ERCC6L2: variants seen among roughly 807,000 people sequenced by gnomAD.
The protein encoded by ERCC6L2 is ERCC excision repair 6 like 2.
A neutral mutation model predicts 132.0 loss-of-function variants in ERCC6L2; 77 were observed. The ratio of observed to expected loss-of-function variants is 0.58; its 90% CI spans 0.49 to 0.71. ERCC6L2 has a LOEUF of 0.71. ERCC6L2 is among the 30% of genes least tolerant of loss of function. The pLI is 0.00. For missense variants in ERCC6L2, 1,542 were observed against 1,837.6 expected (o/e 0.84, Z 2.94); for synonymous variants, 583 against 632.4 (o/e 0.92, Z 1.17).
Position 95,994,366 on chromosome 9 carries a change from C to T in ERCC6L2, c.3493-10154C>T, listed in dbSNP as rs112630347. Among the ~76,000 whole-genome samples the T allele has an allele frequency of 7.6e-3, 1,152 of 151,994 alleles. 23 individuals are homozygous for T. The highest frequency in any genetic ancestry group is 0.027 in the African/African-American group (1,119 of 41,532). ...CAGAGCCATCAGGACCTTCCAGTGG[C>T]TTTGAAGATCTCCTCCTTGTTTCCA... On this transcript the variant is annotated intron_variant, in intron 17 of 18. Transcript: ENST00000653738.
intron 9 of ERCC6L2, among the ~76,000 whole-genome samples, chr9:95,924,566 T>G (rs912400125): frequency 6.6e-6 from 1 of 152,076 alleles, no homozygotes; most frequent in Non-Finnish European, 1.5e-5. Flanking sequence ...AATTATAGCC[T>G]CCTCTGAAAA....
At chr9:95,915,583 T>C (rs1004559751) in intron 4 of ERCC6L2, 85 bp from the exon 5 acceptor site, 5 of 1,368,428 alleles carry the variant, frequency 3.7e-6, no homozygotes, top group Admixed American at 2.3e-5. Flanking sequence ...TCCAAAACTT[T>C]GATAGAGAAA....
At chr9:95,932,780 T>C (rs890958650) in intron 11 of ERCC6L2, among the ~76,000 whole-genome samples, 1 of 152,216 alleles carries the variant, frequency 6.6e-6, no homozygotes, top group Admixed American at 6.5e-5. Context: ...ACTTATTTGA[T>C]ACAGGAAGAG....
chr9:96,030,782 C>A (rs1834447960), intron 19 of ERCC6L2, among the ~76,000 whole-genome samples: 1 of 151,328 alleles, frequency 6.6e-6, no homozygotes, highest in Non-Finnish European at 1.5e-5. Context: ...CCGGAAGGAA[C>A]AAACTCCGGA....
intron 2 of ERCC6L2, among the ~76,000 whole-genome samples, chr9:95,890,442 A>G (rs1160788883): frequency 6.6e-6 from 1 of 152,204 alleles, no homozygotes; most frequent in East Asian, 1.9e-4. Flanking sequence ...CTAGTATGAA[A>G]CTGGTTGGTC....
chr9:95,914,541 A>G (rs1025000552), intron 4 of ERCC6L2, among the ~76,000 whole-genome samples: 26 of 152,182 alleles, frequency 1.7e-4, no homozygotes, highest in Non-Finnish European at 2.6e-4. Flanking sequence ...TTTAGTAGAG[A>G]CAAGATTTCA....
rs561008012 is a variant in ERCC6L2 at position 95,985,203 on chromosome 9, A to G, written c.3492+6988A>G. Among the ~76,000 whole-genome samples, 43 of 152,184 alleles carry G rather than the reference A, an allele frequency of 2.8e-4. No individual in the cohort carries two copies. The Middle Eastern group carries it at 0.01, about 36-fold the overall frequency. On this transcript the variant is annotated intron_variant, in intron 17 of 18. Transcript: ENST00000653738. The stretch of plus-strand genomic sequence containing the variant: ...CACTGTTGTTACTTACCTCATGTGG[A>G]TTCGTTTTTTCCTCATGTATGTTAC...
intron 17 of ERCC6L2, among the ~76,000 whole-genome samples, chr9:95,983,812 A>T (rs971981412): frequency 6.6e-6 from 1 of 152,198 alleles, no homozygotes; most frequent in Non-Finnish European, 1.5e-5. Flanking sequence ...AATTTTGAAA[A>T]TAAGAGGATA....
chr9:95,944,208 T>C (rs532689335), intron 12 of ERCC6L2, among the ~76,000 whole-genome samples: 111 of 152,274 alleles, frequency 7.3e-4, no homozygotes, highest in African/African-American at 2.6e-3. Flanking sequence ...GAAATGAAAT[T>C]CTGATAAATG....
chr9:95,982,532 G>T (rs1832933094), intron 17 of ERCC6L2, among the ~76,000 whole-genome samples: 1 of 151,972 alleles, frequency 6.6e-6, no homozygotes, highest in Non-Finnish European at 1.5e-5. Flanking sequence ...ACAAATGGCT[G>T]GTTTACAAAG....
At chr9:95,898,567 A>G (rs1828587962) in intron 3 of ERCC6L2, among the ~76,000 whole-genome samples, 1 of 152,144 alleles carries the variant, frequency 6.6e-6, no homozygotes, top group South Asian at 2.1e-4. Context: ...TAAATACGTT[A>G]TATATGATTC....
chr9:95,983,121 CCTG>C (rs1190546655), intron 17 of ERCC6L2, among the ~76,000 whole-genome samples: 1 of 152,116 alleles, frequency 6.6e-6, no homozygotes, highest in Non-Finnish European at 1.5e-5. Context: ...TCTACAGTAG[CCTG>C]CTATTATTTT....
chr9:95,930,827 G>T (rs1416163361), intron 11 of ERCC6L2, among the ~76,000 whole-genome samples: 2 of 152,038 alleles, frequency 1.3e-5, no homozygotes, highest in Non-Finnish European at 2.9e-5. Context: ...CTAAGTCTTT[G>T]TAATGTGTGG....
chr9:95,973,972 A>G lies in ERCC6L2; in HGVS notation c.3337+884A>G, dbSNP rs986137151. On this transcript the variant is annotated intron_variant, in intron 16 of 18. Transcript: ENST00000653738. Reference sequence around the variant, plus strand: ...AGTTAAACATGTTCTTCTGTCTTCTATATTACCTGCAAAAGAGCAGTTGGT... The same window carrying G: ...AGTTAAACATGTTCTTCTGTCTTCTGTATTACCTGCAAAAGAGCAGTTGGT... 4.6e-5 allele frequency among the ~76,000 whole-genome samples: 7 copies of G among 152,266 alleles called. No individual in the cohort carries two copies. In the East Asian group the frequency reaches 1.2e-3, roughly 25 times the overall value.
intron 13 of ERCC6L2, among the ~76,000 whole-genome samples, chr9:95,958,995 A>G (rs1831760492): frequency 1.3e-5 from 2 of 151,500 alleles, no homozygotes; most frequent in East Asian, 1.9e-4. Flanking sequence ...TCAAGCTACC[A>G]ATGACTTTCT....
chr9:96,034,188 AG>A (rs922339364), intron 19 of ERCC6L2, among the ~76,000 whole-genome samples: 11 of 152,274 alleles, frequency 7.2e-5, no homozygotes, highest in East Asian at 5.8e-4. Context: ...TAGGGATAGG[AG>A]GGGGGTCCGG....
At chr9:96,001,208 T>A (rs1588043040) in intron 17 of ERCC6L2, among the ~76,000 whole-genome samples, 1 of 152,074 alleles carries the variant, frequency 6.6e-6, no homozygotes, top group Non-Finnish European at 1.5e-5. Context: ...GTAGCAAGAT[T>A]TATTGCAAAG....
rs375051537 is a variant in ERCC6L2, at chr9:95,922,378, A to G, written c.1373A>G (p.His458Arg). ...ACAGTCCTTCAGAAGGTAGCTAACC[A>G]TGTCGCGCTACTGCAAGCTGCTAGT... Reference protein sequence around the residue: ...YLTVLQKVANHVALLQAASTS... With the variant: ...YLTVLQKVANRVALLQAASTS... Residue 458 changes from histidine (H) to arginine (R), a missense_variant, in exon 8 of 19, where the codon CAT (histidine) becomes CGT (arginine). Transcript: ENST00000653738. 2.5e-6 allele frequency: 4 copies of G among 1,613,478 alleles called. No individual in the cohort carries two copies. Among genetic ancestry groups the G allele is most frequent in the Non-Finnish European group, 2.5e-6 (3 of 1,179,512 alleles).
At chr9:95,907,857 C>CACACACACACACACACACACAAACACA in intron 4 of ERCC6L2, among the ~76,000 whole-genome samples, 1 of 133,740 alleles carries the variant, frequency 7.5e-6, no homozygotes, top group African/African-American at 2.8e-5. Flanking sequence ...ACACACACAC[C>CACACACACACACACACACACAAACACA]CCCACACCCA....
Sources: gnomAD v4.1 joint callset for allele counts (sites outside exome capture counted in the v4.1 genomes callset) on GRCh38, gnomAD v4.1.1 for gene constraint, MANE v1.5 for transcripts, NCBI Gene and HGNC (gene_info 2026-07-23, HGNC 2026-07-21) for gene names.